The following DISC1 variants were observed in gnomAD, a reference collection of about 807,000 sequenced individuals.
DISC1 encodes the protein disrupted in schizophrenia 1 protein.
A neutral mutation model predicts 84.5 loss-of-function variants in DISC1; 57 were observed. The observed-to-expected ratio is 0.67, with a 90% CI of 0.55 to 0.84. The LOEUF (loss-of-function observed/expected upper bound fraction) is 0.84, where lower values mean the gene tolerates loss of function less well. Among genes scored for constraint, DISC1 ranks in the 40% least tolerant of loss-of-function variants. The pLI is 0.00. For synonymous variants in DISC1, 411 were observed against 415.2 expected, an observed-to-expected ratio of 0.99 and a Z score of 0.12; for missense variants, 1,000 against 1,057.8, an observed-to-expected ratio of 0.95 and a Z score of 0.76.
intron 6 of DISC1, among the ~76,000 whole-genome samples, chr1:231,787,954 A>T (rs1358951078): frequency 6.6e-6 from 1 of 152,190 alleles, no homozygotes; most frequent in Non-Finnish European, 1.5e-5. Context: ...CACCACAGCC[A>T]CCTGGCTTAA....
At chr1:231,934,967 G>A (rs2090890382) in intron 9 of DISC1, among the ~76,000 whole-genome samples, 1 of 152,346 alleles carries the variant, frequency 6.6e-6, no homozygotes, top group Non-Finnish European at 1.5e-5. Context: ...ACGCTGCAGG[G>A]ATTAACTTGT....
chr1:231,980,682 G>A (rs1663462445), intron 10 of DISC1, among the ~76,000 whole-genome samples: 1 of 152,130 alleles, frequency 6.6e-6, no homozygotes, highest in South Asian at 2.1e-4. Flanking sequence ...CATTTGGTTG[G>A]TTTCTAACTT....
rs114960646 is a variant in DISC1, at chr1:231,709,927, C to T, written c.1117+7903C>T. ...TTAGAAGACTGATTTTGAAGCTGCT[C>T]TCATAGGTTTTCTGCTTCTTCTGCC... On this transcript the variant is annotated intron_variant, in intron 3 of 12. Coordinates refer to ENST00000439617, the MANE Select transcript of DISC1 (RefSeq NM_018662.3). Among the ~76,000 whole-genome samples, 1,019 of 152,266 alleles carry T rather than the reference C, an allele frequency of 6.7e-3. 15 individuals carry two copies. Among genetic ancestry groups the T allele is most frequent in the African/African-American group, 0.021 (886 of 41,550 alleles).
chr1:231,888,422 A>G (rs2086932718), intron 9 of DISC1, among the ~76,000 whole-genome samples: 1 of 151,936 alleles, frequency 6.6e-6, no homozygotes, highest in African/African-American at 2.4e-5. Flanking sequence ...GTCTCATGAG[A>G]AGATGATGAT....
At chr1:231,886,771 C>CTTTT (rs61498946) in intron 9 of DISC1, among the ~76,000 whole-genome samples, 2 of 73,486 alleles carry the variant, frequency 2.7e-5, no homozygotes, top group African/African-American at 1.0e-4. Context: ...TCCTTCCTTT[C>CTTTT]TTTCTTTCTT....
At chr1:231,984,904 G>A (rs1212499380) in intron 10 of DISC1, among the ~76,000 whole-genome samples, 1 of 152,124 alleles carries the variant, frequency 6.6e-6, no homozygotes, top group African/African-American at 2.4e-5. Flanking sequence ...AGCTTAGCAC[G>A]GGGTCAAGAA....
intron 9 of DISC1, among the ~76,000 whole-genome samples, chr1:231,836,311 G>A (rs1386874608): frequency 6.6e-6 from 1 of 152,074 alleles, no homozygotes; most frequent in Non-Finnish European, 1.5e-5. Flanking sequence ...TGTCCTGATG[G>A]TGTCTGTGGC....
intron 10 of DISC1, among the ~76,000 whole-genome samples, chr1:232,001,874 A>G (rs1666735664): frequency 6.6e-6 from 1 of 152,232 alleles, no homozygotes; most frequent in Admixed American, 6.5e-5. Context: ...GTAAAAGGAA[A>G]CATTGATAAA....
intron 9 of DISC1, among the ~76,000 whole-genome samples, chr1:231,927,056 AC>A (rs1319150405): frequency 6.6e-6 from 1 of 152,130 alleles, no homozygotes; most frequent in African/African-American, 2.4e-5. Flanking sequence ...CTTTTCTGTA[AC>A]CCACTCACAA....
intron 9 of DISC1, among the ~76,000 whole-genome samples, chr1:231,858,014 A>G (rs200725145): frequency 6.6e-6 from 1 of 152,244 alleles, no homozygotes; most frequent in Admixed American, 6.5e-5. Context: ...CAGCTGGGAA[A>G]TTCATTCCAG....
At chr1:231,979,064 G>A (rs1663226268) in intron 10 of DISC1, among the ~76,000 whole-genome samples, 2 of 152,018 alleles carry the variant, frequency 1.3e-5, no homozygotes, top group Non-Finnish European at 2.9e-5. Flanking sequence ...ATTCTCCTAG[G>A]AGCCTGAACC....
rs367543087 is a variant in DISC1, at chr1:231,767,157, C to G, written c.1286C>G (p.Thr429Ser). Reference sequence around the variant, plus strand: ...GTTTTAAGGGCCAGCGGAGATGACACCCACACCCCACTGAGAATGGAGCCG... The same window carrying G: ...GTTTTAAGGGCCAGCGGAGATGACAGCCACACCCCACTGAGAATGGAGCCG... ...GATQQASGDD[T>S]HTPLRMEPRL... is the part of the protein sequence containing the mutation. Residue 429 changes from threonine (T) to serine (S), a missense_variant, in exon 5 of 13, where the codon ACC becomes AGC. Coordinates refer to ENST00000439617, the MANE Select transcript of DISC1 (RefSeq NM_018662.3). The G allele has an allele frequency of 6.2e-7, 1 of 1,614,196 alleles. No homozygotes were observed.
At chr1:231,803,841 G>A (rs1041769566) in intron 8 of DISC1, among the ~76,000 whole-genome samples, 19 of 150,950 alleles carry the variant, frequency 1.3e-4, no homozygotes, top group Non-Finnish European at 1.8e-4. Flanking sequence ...CCATCTACTC[G>A]GGAGGCGGAG....
At chr1:231,753,901 A>T (rs187859834) in intron 4 of DISC1, among the ~76,000 whole-genome samples, 21 of 152,320 alleles carry the variant, frequency 1.4e-4, no homozygotes, top group African/African-American at 5.1e-4. Flanking sequence ...AGATCCACAG[A>T]TTCCCTAGGG....
At chr1:231,685,784 G>T (rs1041714015) in intron 1 of DISC1, among the ~76,000 whole-genome samples, 1 of 152,126 alleles carries the variant, frequency 6.6e-6, no homozygotes. Context: ...AAAGTCCACA[G>T]TCCAAAGTCT....
intron 9 of DISC1, among the ~76,000 whole-genome samples, chr1:231,887,546 T>C (rs2086857953): frequency 6.6e-6 from 1 of 152,212 alleles, no homozygotes; most frequent in South Asian, 2.1e-4. Flanking sequence ...GGATGTATAA[T>C]CCCTATCCCC....
chr1:231,738,838 C>T lies in DISC1; in HGVS notation c.1118-11088C>T, dbSNP rs181344254. ...ACTTTATTACTATTATTTTGATTCT[C>T]AAAGTGTCTCAGGTTTGGACCAGAG... is the stretch of plus-strand genomic sequence containing the variant. On this transcript the variant is annotated intron_variant, in intron 3 of 12. Transcript: ENST00000439617. Among the ~76,000 whole-genome samples the T allele has an allele frequency of 1.1e-4, 17 of 152,302 alleles. No homozygotes were observed. In the East Asian group the frequency reaches 3.1e-3, roughly 28 times the overall value.
intron 1 of DISC1, among the ~76,000 whole-genome samples, chr1:231,668,103 T>G (rs2062195157): frequency 1.3e-5 from 2 of 152,006 alleles, no homozygotes; most frequent in South Asian, 2.1e-4. Flanking sequence ...CTTGATAAGT[T>G]TCAGGATAAG....
chr1:231,937,126 G>C (rs1254738640), intron 9 of DISC1, among the ~76,000 whole-genome samples: 1 of 152,182 alleles, frequency 6.6e-6, no homozygotes, highest in Non-Finnish European at 1.5e-5. Context: ...AACAGGTTCT[G>C]TCTTCCATTA....
Sources: gnomAD v4.1 joint callset for allele counts (sites outside exome capture counted in the v4.1 genomes callset) on GRCh38, gnomAD v4.1.1 for gene constraint, MANE v1.5 for transcripts, NCBI Gene and HGNC (gene_info 2026-07-23, HGNC 2026-07-21) for gene names.